Variants in TFAM observed in about 807,000 individuals in gnomAD.
TFAM encodes mitochondrial transcription factor 1.
A neutral mutation model predicts 30.6 loss-of-function variants in TFAM; 13 were observed. The ratio of observed to expected loss-of-function variants is 0.42; its 90% CI spans 0.28 to 0.67. TFAM has a LOEUF of 0.67. Ranked by LOEUF, TFAM falls within the 30% of genes least tolerant of loss-of-function variation. The pLI is 0.21. For synonymous variants in TFAM, 106 were observed against 94.8 expected (o/e 1.12, Z -0.69); for missense variants, 231 against 293.7 (o/e 0.79, Z 1.56).
chr10:58,385,825 C>T (rs571310814), intron 1 of TFAM, among the ~76,000 whole-genome samples, 177 bp downstream of exon 1: 2 of 152,270 alleles, frequency 1.3e-5, no homozygotes, highest in East Asian at 3.9e-4. Context: ...CCTTTATTTA[C>T]TCTCTTAATA....
rs745685750 is a variant in TFAM, at chr10:58,395,105, A to G, written c.*31A>G. On this transcript the variant is annotated 3_prime_UTR_variant, in exon 7 of 7. Transcript: ENST00000487519. ...GAAGATTGAGATGTGTTCACAATGG[A>G]TAGGCACAGGAAACCAGTTAGGTCT... 1 of 1,610,552 alleles carries G rather than the reference A, an allele frequency of 6.2e-7. No individual in the cohort carries two copies. The highest frequency in any genetic ancestry group is 2.2e-5 in the East Asian group (1 of 44,726).
intron 4 of TFAM, 114 bp from the exon 5 acceptor site, chr10:58,390,651 C>A: frequency 1.2e-6 from 1 of 826,900 alleles, no homozygotes; most frequent in Non-Finnish European, 2.0e-6. Flanking sequence ...AGAATCATAA[C>A]ATTCACTTTA....
chr10:58,386,796 T>C (rs1840499107), intron 2 of TFAM: 7 of 744,012 alleles, frequency 9.4e-6, no homozygotes, highest in Non-Finnish European at 1.2e-5. Context: ...GGATAAACCT[T>C]TTCATCATAG....
chr10:58,395,026 A>C lies in TFAM; in HGVS notation c.693A>C (p.Leu231=). The C allele has an allele frequency of 6.2e-7, 1 of 1,613,788 alleles. No homozygotes were observed. Among genetic ancestry groups the C allele is most frequent in the Non-Finnish European group, 8.5e-7 (1 of 1,179,774 alleles). The change falls in exon 7 of 7, where the codon CTA becomes CTC. Residue 231 remains leucine (L), a synonymous_variant. Coordinates refer to ENST00000487519, the MANE Select transcript of TFAM (RefSeq NM_003201.3). ...QMIEVGRKDL[L]RRTIKKQRKY... ...TTGAAGTTGGACGAAAGGATCTTCT[A>C]CGTCGCACAATAAAGAAACAACGAA...
chr10:58,388,790 T>A lies in TFAM; in HGVS notation c.412T>A (p.Leu138Ile), dbSNP rs1840538611. 6.2e-7 allele frequency: 1 copy of A among 1,611,840 alleles called. No individual in the cohort carries two copies. Among genetic ancestry groups the A allele is most frequent in the Non-Finnish European group, 8.5e-7 (1 of 1,179,026 alleles). Residue 138 changes from leucine to isoleucine, a missense_variant, in exon 4 of 7, where the codon TTA (leucine) becomes ATA (isoleucine). By Grantham distance (5) the Leu-to-Ile change is conservative. Transcript: ENST00000487519. ...GGAAAAAGAAATCATGGACAAACAT[T>A]TAAAAAGGAAAGCTATGACAAAAAA... ...SLEKEIMDKH[L>I]KRKAMTKKKE...
rs1472647067 is a variant in TFAM, at chr10:58,398,745, G to A, written c.*3671G>A. The A allele has an allele frequency of 6.6e-6, 1 of 152,134 alleles. No homozygotes were observed. Among genetic ancestry groups the A allele is most frequent in the Non-Finnish European group, 1.5e-5 (1 of 68,024 alleles). 9.4% of individuals were successfully genotyped at this position (152,134 alleles called of 1,614,324 possible). On this transcript the variant is annotated 3_prime_UTR_variant, in exon 7 of 7. Coordinates refer to ENST00000487519, the MANE Select transcript of TFAM (RefSeq NM_003201.3). ...AGCAGGAAGTTTTTATATTGTGAGT[G>A]ACAGTACCCATTATTTCTCTTAATT...
chr10:58,394,363 G>A lies in TFAM; in HGVS notation c.543G>A (p.Lys181=). 6.2e-7 allele frequency: 1 copy of A among 1,612,494 alleles called. No homozygotes were observed. The highest frequency in any genetic ancestry group is 8.5e-7 in the Non-Finnish European group (1 of 1,178,686). Residue 181 remains lysine (K), a synonymous_variant, in exon 6 of 7, where the codon AAG becomes AAA. Coordinates refer to ENST00000487519, the MANE Select transcript of TFAM (RefSeq NM_003201.3). ...QEAKGDSPQE[K]LKTVKENWKN... ...AAACATATATTGTTTTACAGGAAAA[G>A]CTGAAGACTGTAAAGGAAAACTGGA...
At position 58,390,788 on chromosome 10, in the gene TFAM, A is replaced by C. The variant is rs183160811; in HGVS notation, c.465A>C (p.Pro155=). Residue 155 remains proline, a synonymous_variant, in exon 5 of 7, where the codon CCA becomes CCC. Transcript: ENST00000487519. ...KKKELTLLGK[P]KRPRSAYNVY... is the part of the protein sequence containing the mutation. ...AGGAGTTAACACTGCTTGGAAAACC[A>C]AAAAGACCTCGTTCAGCTTATAACG... 5.0e-6 allele frequency: 8 copies of C among 1,612,800 alleles called. No homozygotes were observed. In the African/African-American group the frequency reaches 8.0e-5, roughly 16 times the overall value.
At chr10:58,394,515 T>C (rs1287421794) in intron 6 of TFAM, 101 bp downstream of exon 6, 1 of 986,736 alleles carries the variant, frequency 1.0e-6, no homozygotes, top group African/African-American at 1.6e-5. Flanking sequence ...CTTGTATTAC[T>C]AATAATACAA....
chr10:58,391,382 C>T (rs1295786566), intron 5 of TFAM, among the ~76,000 whole-genome samples: 2 of 152,038 alleles, frequency 1.3e-5, no homozygotes, highest in Non-Finnish European at 2.9e-5. Context: ...CTTAGAAGCT[C>T]CAAATGGGCA....
In TFAM at chr10:58,395,320, G is replaced by C. The variant is rs1320865047; in HGVS notation, c.*246G>C. ...GGATCAGAGTAATCCAAGCAAATGT[G>C]AATCATTTTACCTTTGACAAAGGTA... On this transcript the variant is annotated 3_prime_UTR_variant, in exon 7 of 7. Coordinates refer to ENST00000487519, the MANE Select transcript of TFAM (RefSeq NM_003201.3). The C allele has an allele frequency of 2.1e-6, 1 of 467,888 alleles. No homozygotes were observed. Among genetic ancestry groups the C allele is most frequent in the East Asian group, 3.9e-5 (1 of 25,524 alleles). The allele number at this position is 467,888 out of a possible 1,614,324, so 29.0% of individuals were successfully genotyped here.
intron 5 of TFAM, 43 bp downstream of exon 5, chr10:58,390,903 G>T: frequency 1.3e-6 from 2 of 1,538,462 alleles, no homozygotes; most frequent in South Asian, 2.3e-5. Flanking sequence ...AAAATATTTA[G>T]ACAGGAAAAG....
At chr10:58,388,616 A>C in intron 3 of TFAM, 54 bp from the exon 4 acceptor site, 1 of 1,595,412 alleles carries the variant, frequency 6.3e-7, no homozygotes. Context: ...GGCATGTGCT[A>C]TGTTGAATTT....
chr10:58,395,042 A>C lies in TFAM; in HGVS notation c.709A>C (p.Lys237Gln). Residue 237 changes from lysine (K) to glutamine (Q), a missense_variant, in exon 7 of 7, where the codon AAA (lysine) becomes CAA (glutamine). Coordinates refer to ENST00000487519, the MANE Select transcript of TFAM (RefSeq NM_003201.3). Reference sequence around the variant, plus strand: ...GGATCTTCTACGTCGCACAATAAAGAAACAACGAAAATATGGTGCTGAGGA... The same window carrying C: ...GGATCTTCTACGTCGCACAATAAAGCAACAACGAAAATATGGTGCTGAGGA... ...RKDLLRRTIK[K>Q]QRKYGAEEC The C allele has an allele frequency of 6.2e-7, 1 of 1,613,724 alleles. No homozygotes were observed. The highest frequency in any genetic ancestry group is 8.5e-7 in the Non-Finnish European group (1 of 1,179,720).
intron 3 of TFAM, 22 bp downstream of exon 3, chr10:58,388,282 A>G (rs780961505): frequency 1.9e-6 from 3 of 1,599,640 alleles, no homozygotes; most frequent in African/African-American, 1.3e-5. Context: ...AGTTTTCAAC[A>G]TTGCTGACCA....
chr10:58,394,958 A>G lies in TFAM; in HGVS notation c.625A>G (p.Thr209Ala), dbSNP rs1409405857. The G allele has an allele frequency of 1.9e-6, 3 of 1,613,652 alleles. No homozygotes were observed. The highest frequency in any genetic ancestry group is 2.5e-6 in the Non-Finnish European group (3 of 1,179,716). Residue 209 changes from threonine to alanine, a missense_variant, in exon 7 of 7, where the codon ACT becomes GCT. Physicochemically the swap from Thr to Ala is moderately conservative, Grantham distance 58. Coordinates refer to ENST00000487519, the MANE Select transcript of TFAM (RefSeq NM_003201.3). ...LYIQHAKEDE[T>A]RYHNEMKSWE... ...TATTCAGCATGCTAAAGAGGACGAA[A>G]CTCGTTATCATAATGAAATGAAGTC...
intron 2 of TFAM, chr10:58,386,778 A>ACC (rs1249873127): frequency 2.4e-6 from 2 of 837,954 alleles, no homozygotes; most frequent in Admixed American, 1.0e-4. Flanking sequence ...AGCTTTCAAG[A>ACC]TAAGAAAGGA....
intron 5 of TFAM, among the ~76,000 whole-genome samples, chr10:58,392,265 T>C (rs1332414210): frequency 6.6e-6 from 1 of 152,206 alleles, no homozygotes; most frequent in Non-Finnish European, 1.5e-5. Context: ...AGACTGGGCA[T>C]AGAATTCTAG....
Position 58,395,231 on chromosome 10 carries a change from A to G in TFAM, c.*157A>G. The G allele has an allele frequency of 1.3e-6, 1 of 780,558 alleles. No homozygotes were observed. Among genetic ancestry groups the G allele is most frequent in the South Asian group, 1.7e-5 (1 of 59,820 alleles). The allele number at this position is 780,558 out of a possible 1,614,324, so 48.4% of individuals were successfully genotyped here. ...GCTCATGGACTTCTGCCAGCATAAT[A>G]CTTGCTTTGGAAAACCCAGATAAAG... On this transcript the variant is annotated 3_prime_UTR_variant, in exon 7 of 7. Transcript: ENST00000487519.
Sources: gnomAD v4.1 joint callset for allele counts (sites outside exome capture counted in the v4.1 genomes callset) on GRCh38, gnomAD v4.1.1 for gene constraint, MANE v1.5 for transcripts, NCBI Gene and HGNC (gene_info 2026-07-23, HGNC 2026-07-21) for gene names.